Variants in CDIP1 observed in about 807,000 individuals in gnomAD.
CDIP1 encodes cell death inducing p53 target 1.
A neutral mutation model predicts 17.7 loss-of-function variants in CDIP1; 9 were observed. That is an observed-to-expected ratio of 0.51 (90% CI 0.31 to 0.89). The LOEUF (loss-of-function observed/expected upper bound fraction) is 0.89. CDIP1 is among the 40% of genes least tolerant of loss of function. The probability of loss-of-function intolerance (pLI) is 0.05; values close to 1 mark genes in which losing one functional copy is unlikely to be tolerated. For synonymous variants in CDIP1, 117 were observed against 109.5 expected, an observed-to-expected ratio of 1.07 and a Z score of -0.43; for missense variants, 263 against 277.9, an observed-to-expected ratio of 0.95 and a Z score of 0.38.
intron 1 of CDIP1, among the ~76,000 whole-genome samples, chr16:4,523,574 T>G (rs1200659253): frequency 6.6e-6 from 1 of 151,972 alleles, no homozygotes; most frequent in Non-Finnish European, 1.5e-5. Context: ...GTGAAGAGGA[T>G]GAGCGTTAAA....
Position 4,512,771 on chromosome 16 carries a change from C to T in CDIP1, c.515+20G>A. On this transcript the variant is annotated intron_variant, in intron 5 of 5. Coordinates refer to ENST00000567695, the MANE Select transcript of CDIP1 (RefSeq NM_013399.3). This position sits in a 1 kb window ranked among gnomAD's most constrained non-coding sequence, Gnocchi z 4.6. ...TGACCCTGGTGCAGCCCCCACCCTA[C>T]CAGTGCCCACACCACCTACCCCATG... 6.3e-7 allele frequency: 1 copy of T among 1,593,688 alleles called. No homozygotes were observed.
At chr16:4,537,473 C>T (rs1307800510) in intron 1 of CDIP1, among the ~76,000 whole-genome samples, 3 of 152,208 alleles carry the variant, frequency 2.0e-5, no homozygotes, top group African/African-American at 4.8e-5. Context: ...CAGCAAAGAA[C>T]CCAGGAGAGC....
At chr16:4,518,403 G>C (rs1319980107) in intron 1 of CDIP1, among the ~76,000 whole-genome samples, 1 of 152,190 alleles carries the variant, frequency 6.6e-6, no homozygotes, top group African/African-American at 2.4e-5. Flanking sequence ...GAAGGGTCTG[G>C]ACCTGCACAG....
chr16:4,528,197 T>G (rs1180165256), intron 1 of CDIP1, among the ~76,000 whole-genome samples: 1 of 152,208 alleles, frequency 6.6e-6, no homozygotes, highest in East Asian at 1.9e-4. Flanking sequence ...TAGCACAGTG[T>G]GATTCTTCTT....
At chr16:4,526,873 T>C (rs902992313) in intron 1 of CDIP1, among the ~76,000 whole-genome samples, 3 of 151,922 alleles carry the variant, frequency 2.0e-5, no homozygotes, top group African/African-American at 7.2e-5. Flanking sequence ...TTGCACCGAG[T>C]GGGGCACAGG....
At chr16:4,527,090 C>CTTT (rs760461374) in intron 1 of CDIP1, among the ~76,000 whole-genome samples, 1 of 140,420 alleles carries the variant, frequency 7.1e-6, no homozygotes, top group African/African-American at 2.6e-5. Flanking sequence ...GACACTGTTA[C>CTTT]TTTTTTTTTT....
chr16:4,514,129 ATCTTCGCTGCT>A lies in CDIP1; in HGVS notation c.-10_1del. ...ATAAGGAGGGGGAGGCTCGCTGGAC[ATCTTCGCTGCT>A]TCTCCTGGACATGGAGGGAAAACCC... is the stretch of plus-strand genomic sequence containing the variant. On this transcript the variant is annotated start_lost and start_retained_variant and 5_prime_UTR_variant, in exon 3 of 6. Coordinates refer to ENST00000567695, the MANE Select transcript of CDIP1 (RefSeq NM_013399.3). This position sits in a 1 kb window ranked among gnomAD's most constrained non-coding sequence, Gnocchi z 5.2. The A allele has an allele frequency of 6.5e-7, 1 of 1,540,606 alleles. No individual in the cohort carries two copies. The highest frequency in any genetic ancestry group is 8.7e-7 in the Non-Finnish European group (1 of 1,152,794).
At chr16:4,535,409 A>T (rs1567425598) in intron 1 of CDIP1, among the ~76,000 whole-genome samples, 1 of 152,184 alleles carries the variant, frequency 6.6e-6, no homozygotes, top group Non-Finnish European at 1.5e-5. Context: ...AATGCATCAC[A>T]ACTGCTTTCA....
chr16:4,523,049 C>T (rs752959741), intron 1 of CDIP1, among the ~76,000 whole-genome samples: 3 of 152,188 alleles, frequency 2.0e-5, no homozygotes, highest in Non-Finnish European at 4.4e-5. Flanking sequence ...AAGGGATGGC[C>T]GCTGACCACG....
At chr16:4,533,046 A>C (rs938696624) in intron 1 of CDIP1, 1 of 152,204 alleles carries the variant, frequency 6.6e-6, no homozygotes, top group African/African-American at 2.4e-5. Context: ...CCCTCCATGG[A>C]GGTCACTCAC....
chr16:4,536,304 T>C (rs759813580), intron 1 of CDIP1: 6 of 152,122 alleles, frequency 3.9e-5, no homozygotes, highest in Non-Finnish European at 7.4e-5. Context: ...AGGAACAAAG[T>C]ACCTGGGCCC....
At chr16:4,532,057 T>A (rs2059061873) in intron 1 of CDIP1, among the ~76,000 whole-genome samples, 1 of 152,222 alleles carries the variant, frequency 6.6e-6, no homozygotes, top group Non-Finnish European at 1.5e-5. Flanking sequence ...TTATGAGGTC[T>A]TTGCTCTGCT....
chr16:4,512,713 A>G lies in CDIP1; in HGVS notation c.516-30T>C, dbSNP rs1252196613. On this transcript the variant is annotated intron_variant, in intron 5 of 5. Transcript: ENST00000567695. The surrounding 1 kb of genome is among the most constrained non-coding windows in gnomAD (Gnocchi z 4.6). ...ATCAGAGACAGGGAAGAACAGGCTG[A>G]GGCCTGCTGCGGAGGAGGCAGAGGC... The G allele has an allele frequency of 6.2e-7, 1 of 1,607,938 alleles. No individual in the cohort carries two copies. The highest frequency in any genetic ancestry group is 1.1e-5 in the South Asian group (1 of 90,938).
Position 4,510,712 on chromosome 16 carries a change from TAA to T in CDIP1, c.*1858_*1859del, listed in dbSNP as rs2058818370. On this transcript the variant is annotated 3_prime_UTR_variant, in exon 6 of 6. Coordinates refer to ENST00000567695, the MANE Select transcript of CDIP1 (RefSeq NM_013399.3). ...ATTCTCTAAAAGAGAAACATGAACT[TAA>T]ATAATTTTATTAATAGGAATCTACT... The T allele has an allele frequency of 6.6e-6, 1 of 152,202 alleles. No homozygotes were observed. The highest frequency in any genetic ancestry group is 6.5e-5 in the Admixed American group (1 of 15,278). 9.4% of individuals were successfully genotyped at this position (152,202 alleles called of 1,614,324 possible).
chr16:4,538,620 A>C (rs1001783258), intron 1 of CDIP1, 82 bp downstream of exon 1: 2 of 152,168 alleles, frequency 1.3e-5, no homozygotes, highest in Non-Finnish European at 2.9e-5. Context: ...CCCCGACCTG[A>C]GGAGAGCTGG....
In CDIP1 at chr16:4,513,163, G is replaced by A. The variant is rs980434471; in HGVS notation, c.242-99C>T. 5.7e-5 allele frequency: 72 copies of A among 1,270,524 alleles called. No homozygotes were observed. Among genetic ancestry groups the A allele is most frequent in the Admixed American group, 1.4e-4 (5 of 36,194 alleles). The allele number at this position is 1,270,524 out of a possible 1,614,324, so 78.7% of individuals were successfully genotyped here. A position where few individuals can be genotyped will look rare whatever the true frequency, so the allele number is the denominator to read the frequency against. Reference sequence around the variant, plus strand: ...AGCCCCACGGTCCACAGCGCCCAGCGTGCAAGGCTACGCCTCAGACCTCCT... The same window carrying A: ...AGCCCCACGGTCCACAGCGCCCAGCATGCAAGGCTACGCCTCAGACCTCCT... On this transcript the variant is annotated intron_variant, in intron 4 of 5. Transcript: ENST00000567695. The surrounding 1 kb of genome is among the most constrained non-coding windows in gnomAD (Gnocchi z 4.1).
intron 1 of CDIP1, chr16:4,536,799 C>A (rs893843267): frequency 6.9e-6 from 1 of 144,496 alleles, no homozygotes; most frequent in Admixed American, 7.0e-5. Context: ...AAAAATTAGC[C>A]GGGCATGGTG....
At chr16:4,530,348 A>G (rs991078166) in intron 1 of CDIP1, among the ~76,000 whole-genome samples, 6 of 152,224 alleles carry the variant, frequency 3.9e-5, no homozygotes, top group Non-Finnish European at 5.9e-5. Flanking sequence ...TTTACACTGC[A>G]TTATATGAAA....
chr16:4,526,597 G>A (rs551555684), intron 1 of CDIP1, among the ~76,000 whole-genome samples: 1 of 152,010 alleles, frequency 6.6e-6, no homozygotes, highest in South Asian at 2.1e-4. Flanking sequence ...CTACTCAGGA[G>A]GCTGAGGCAG....
Sources: gnomAD v4.1 joint callset for allele counts (sites outside exome capture counted in the v4.1 genomes callset) on GRCh38, gnomAD v4.1.1 for gene constraint, Gnocchi (gnomAD v3.1) non-coding constraint, MANE v1.5 for transcripts, NCBI Gene and HGNC (gene_info 2026-07-23, HGNC 2026-07-21) for gene names.